The following LHFPL3 variants were observed in gnomAD, a reference collection of about 807,000 sequenced individuals.
LHFPL3 encodes the protein LHFPL tetraspan subfamily member 3 protein.
A neutral mutation model predicts 19.3 loss-of-function variants in LHFPL3; 5 were observed. That is an observed-to-expected ratio of 0.26 (90% confidence interval 0.14 to 0.54). The LOEUF is 0.54. Ranked by LOEUF, LHFPL3 falls within the 20% of genes least tolerant of loss-of-function variation. The pLI is 0.94. For synonymous variants in LHFPL3, 133 were observed against 126.2 expected (o/e 1.05, Z -0.36); for missense variants, 249 against 307.4 (o/e 0.81, Z 1.42).
intron 1 of LHFPL3, among the ~76,000 whole-genome samples, chr7:104,589,913 G>A (rs1426445338): frequency 6.6e-6 from 1 of 152,150 alleles, no homozygotes; most frequent in East Asian, 1.9e-4. Context: ...GGTGTTTATA[G>A]TATTCTCTGA....
intron 1 of LHFPL3, among the ~76,000 whole-genome samples, chr7:104,446,577 T>C (rs943588852): frequency 6.6e-6 from 1 of 152,186 alleles, no homozygotes; most frequent in Non-Finnish European, 1.5e-5. Flanking sequence ...TTTTTTATTT[T>C]TTATTTGTTT....
chr7:104,864,953 C>A (rs1040284472), intron 2 of LHFPL3, among the ~76,000 whole-genome samples: 1 of 152,280 alleles, frequency 6.6e-6, no homozygotes, highest in East Asian at 1.9e-4. Context: ...CTGCTGATAG[C>A]CAGGCAAACA....
intron 1 of LHFPL3, among the ~76,000 whole-genome samples, chr7:104,717,702 G>A (rs1295982048): frequency 6.6e-6 from 1 of 152,140 alleles, no homozygotes; most frequent in Non-Finnish European, 1.5e-5. Context: ...TATATTGTTG[G>A]TGGGATTCAA....
intron 1 of LHFPL3, among the ~76,000 whole-genome samples, chr7:104,468,136 C>T (rs1792829304): frequency 6.6e-6 from 1 of 152,202 alleles, no homozygotes; most frequent in African/African-American, 2.4e-5. Flanking sequence ...ACTGCCACTG[C>T]TGCAACCCGG....
At chr7:104,387,025 A>T (rs561161483) in intron 1 of LHFPL3, among the ~76,000 whole-genome samples, 2 of 152,340 alleles carry the variant, frequency 1.3e-5, no homozygotes, top group African/African-American at 4.8e-5. Context: ...AAACTATACC[A>T]GAGGAAGCCA....
Position 104,761,706 on chromosome 7 carries a change from G to A in LHFPL3, c.682+24795G>A, listed in dbSNP as rs370529669. Among the ~76,000 whole-genome samples, 46 of 152,310 alleles carry A rather than the reference G, an allele frequency of 3.0e-4. 1 individual carries two copies. The highest frequency in any genetic ancestry group is 1.1e-3 in the African/African-American group (45 of 41,572). On this transcript the variant is annotated intron_variant, in intron 2 of 2. Coordinates refer to ENST00000424859, the MANE Select transcript of LHFPL3 (RefSeq NM_199000.3). ...TGACTCAGAAGCAAGTAGAACAGTC[G>A]TAGAGTGAATTTCTTCAAATACATA...
intron 1 of LHFPL3, among the ~76,000 whole-genome samples, chr7:104,458,752 G>A (rs1333411708): frequency 6.6e-6 from 1 of 151,594 alleles, no homozygotes; most frequent in Admixed American, 6.6e-5. Flanking sequence ...TTTATGTGGT[G>A]TTATTGGCTA....
chr7:104,862,865 G>A (rs1337979334), intron 2 of LHFPL3, among the ~76,000 whole-genome samples: 1 of 152,188 alleles, frequency 6.6e-6, no homozygotes, highest in Non-Finnish European at 1.5e-5. Context: ...CCTAGCTGCC[G>A]AGTCGGAGCT....
chr7:104,777,107 A>C (rs1794647992), intron 2 of LHFPL3, among the ~76,000 whole-genome samples: 1 of 152,214 alleles, frequency 6.6e-6, no homozygotes, highest in Non-Finnish European at 1.5e-5. Context: ...GCAGGGAGCA[A>C]AAGTATAGCC....
chr7:104,495,543 T>C (rs759115812), intron 1 of LHFPL3, among the ~76,000 whole-genome samples: 19 of 152,046 alleles, frequency 1.2e-4, no homozygotes, highest in Non-Finnish European at 2.4e-4. Flanking sequence ...GCCACCACGC[T>C]TGGCTAATTT....
intron 1 of LHFPL3, among the ~76,000 whole-genome samples, chr7:104,599,190 GC>G (rs1790918945): frequency 6.6e-6 from 1 of 152,214 alleles, no homozygotes; most frequent in African/African-American, 2.4e-5. Context: ...GAAATTAGTG[GC>G]CTAATCAATG....
chr7:104,406,476 C>T (rs1123760), intron 1 of LHFPL3, among the ~76,000 whole-genome samples: 65,818 of 152,108 alleles, frequency 0.43, 14,596 homozygotes, highest in Admixed American at 0.53. Context: ...TTCCTCAAAA[C>T]TACCTGAAAA....
intron 1 of LHFPL3, among the ~76,000 whole-genome samples, chr7:104,671,906 T>C (rs58390134): frequency 0.031 from 4,737 of 152,298 alleles, 250 homozygotes; most frequent in African/African-American, 0.11. Flanking sequence ...AATATCAATG[T>C]CCCTATTTCT....
At chr7:104,424,267 A>C (rs1791794139) in intron 1 of LHFPL3, among the ~76,000 whole-genome samples, 1 of 152,246 alleles carries the variant, frequency 6.6e-6, no homozygotes, top group African/African-American at 2.4e-5. Context: ...TGCAAGAAGC[A>C]TCAGAGCCCC....
chr7:104,360,475 G>A (rs930540351), intron 1 of LHFPL3, among the ~76,000 whole-genome samples: 10 of 152,316 alleles, frequency 6.6e-5, no homozygotes, highest in Non-Finnish European at 1.2e-4. Context: ...AAGCCAGAGG[G>A]AGGAAACTGA....
chr7:104,793,585 C>T (rs1790063930), intron 2 of LHFPL3, among the ~76,000 whole-genome samples: 1 of 152,198 alleles, frequency 6.6e-6, no homozygotes, highest in African/African-American at 2.4e-5. Context: ...TGAACTAACA[C>T]TCACAGTCAT....
intron 1 of LHFPL3, among the ~76,000 whole-genome samples, chr7:104,704,116 A>G (rs1266494528): frequency 6.6e-6 from 1 of 152,120 alleles, no homozygotes. Context: ...ATCTCTCCCA[A>G]ACTGTGTTCA....
chr7:104,659,426 T>C (rs1222963869), intron 1 of LHFPL3, among the ~76,000 whole-genome samples: 1 of 152,196 alleles, frequency 6.6e-6, no homozygotes, highest in Non-Finnish European at 1.5e-5. Flanking sequence ...GGTCATTCAG[T>C]GCTCTTTCAC....
rs371598405 is a variant in LHFPL3 at position 104,669,589 on chromosome 7, T to C, written c.446-67086T>C. On this transcript the variant is annotated intron_variant, in intron 1 of 2. Coordinates refer to ENST00000424859, the MANE Select transcript of LHFPL3 (RefSeq NM_199000.3). Reference sequence around the variant, plus strand: ...TTATGCCAAATAGACCTCTACATCCTGTGCTTTTCTCCTAGTTTCTCTCCA... The same window carrying C: ...TTATGCCAAATAGACCTCTACATCCCGTGCTTTTCTCCTAGTTTCTCTCCA... 15 of 1,610,890 alleles carry C rather than the reference T, an allele frequency of 9.3e-6. No homozygotes were observed. The African/African-American group carries it at 1.9e-4, about 20-fold the overall frequency.
Sources: allele counts gnomAD v4.1 joint callset (sites outside exome capture counted in the v4.1 genomes callset), GRCh38; gene constraint gnomAD v4.1.1; transcripts MANE v1.5; gene names NCBI Gene and HGNC (gene_info 2026-07-23, HGNC 2026-07-21).